Variants in HACD2 observed in about 807,000 individuals in gnomAD.
HACD2 encodes 3-hydroxyacyl-CoA dehydratase 2.
In HACD2, 15 loss-of-function variants were observed where a neutral mutation model predicts 31.0. That is an observed-to-expected ratio of 0.48 (90% CI 0.32 to 0.75). The LOEUF (loss-of-function observed/expected upper bound fraction) is 0.75, where lower values mean the gene tolerates loss of function less well. Ranked by LOEUF, HACD2 falls within the 30% of genes least tolerant of loss-of-function variation. The pLI is 0.03. For synonymous variants in HACD2, 115 were observed against 122.2 expected (o/e 0.94, Z 0.39); for missense variants, 283 against 313.0 (o/e 0.90, Z 0.72).
chr3:123,582,915 C>T (rs755499666), intron 1 of HACD2, among the ~76,000 whole-genome samples: 18 of 152,046 alleles, frequency 1.2e-4, no homozygotes, highest in African/African-American at 3.9e-4. Flanking sequence ...ATACAAACCA[C>T]GAAACAGGAA....
At chr3:123,518,995 TAAAAAA>T (rs67571643) in intron 4 of HACD2, among the ~76,000 whole-genome samples, 1 of 42,482 alleles carries the variant, frequency 2.4e-5, no homozygotes, top group Non-Finnish European at 4.9e-5. Context: ...AGACTCCAAC[TAAAAAA>T]AAAAAAAAAA....
intron 3 of HACD2, among the ~76,000 whole-genome samples, chr3:123,566,094 T>C (rs563268329): frequency 7.2e-5 from 11 of 152,232 alleles, no homozygotes; most frequent in Admixed American, 7.2e-4. Flanking sequence ...CAGTATTTCT[T>C]AGCCTTTTGG....
At chr3:123,530,623 G>A (rs556818680) in intron 3 of HACD2, among the ~76,000 whole-genome samples, 39 of 152,176 alleles carry the variant, frequency 2.6e-4, no homozygotes, top group African/African-American at 8.9e-4. Context: ...TGGCCAGGAT[G>A]GTCTCGATCT....
At chr3:123,541,503 T>C (rs779170539) in intron 3 of HACD2, among the ~76,000 whole-genome samples, 34 of 152,276 alleles carry the variant, frequency 2.2e-4, no homozygotes, top group Non-Finnish European at 4.0e-4. Flanking sequence ...TTAGCTGTAC[T>C]AGAAGGTTGT....
At chr3:123,500,307 G>A (rs2107679636) in intron 6 of HACD2, among the ~76,000 whole-genome samples, 1 of 152,172 alleles carries the variant, frequency 6.6e-6, no homozygotes, top group South Asian at 2.1e-4. Context: ...GCTGCATTTT[G>A]GCAACTGTAT....
At chr3:123,523,333 C>T (rs1272475695) in intron 4 of HACD2, among the ~76,000 whole-genome samples, 2 of 152,210 alleles carry the variant, frequency 1.3e-5, no homozygotes, top group African/African-American at 4.8e-5. Context: ...AAGCCGCTGG[C>T]TGCTTTGTAA....
At chr3:123,509,247 G>C (rs2056019456) in intron 4 of HACD2, among the ~76,000 whole-genome samples, 1 of 151,840 alleles carries the variant, frequency 6.6e-6, no homozygotes, top group African/African-American at 2.4e-5. Flanking sequence ...AGCTGGGCAT[G>C]GTGGCATGTG....
At position 123,511,368 on chromosome 3, in the gene HACD2, T is replaced by C. The variant is rs576948949; in HGVS notation, c.382-8687A>G. 4.6e-5 allele frequency among the ~76,000 whole-genome samples: 7 copies of C among 152,126 alleles called. No individual in the cohort carries two copies. The South Asian group carries it at 1.2e-3, about 27-fold the overall frequency. The stretch of plus-strand genomic sequence containing the variant: ...ACATGCATGTGAACACACACACACA[T>C]ACACACACACATTATGGGGTAACAA... On this transcript the variant is annotated intron_variant, in intron 4 of 6. Transcript: ENST00000383657.
At chr3:123,548,669 T>A (rs978307582) in intron 3 of HACD2, among the ~76,000 whole-genome samples, 3 of 152,086 alleles carry the variant, frequency 2.0e-5, no homozygotes, top group African/African-American at 7.2e-5. Context: ...TCACTTAGGC[T>A]AAAGTAAAAT....
intron 2 of HACD2, among the ~76,000 whole-genome samples, chr3:123,572,575 G>A (rs182944762): frequency 2.2e-4 from 33 of 152,164 alleles, no homozygotes; most frequent in Non-Finnish European, 2.2e-4. Context: ...ATTTCCACTG[G>A]CAATAAACTG....
At chr3:123,569,054 G>A (rs372036946) in intron 2 of HACD2, among the ~76,000 whole-genome samples, 2 of 152,156 alleles carry the variant, frequency 1.3e-5, no homozygotes, top group South Asian at 2.1e-4. Context: ...ATAAGGCTCT[G>A]TGCCTTATCA....
At chr3:123,510,932 G>GT (rs67094405) in intron 4 of HACD2, among the ~76,000 whole-genome samples, 18 of 142,598 alleles carry the variant, frequency 1.3e-4, no homozygotes, top group African/African-American at 4.4e-4. Flanking sequence ...CATTTGCTGT[G>GT]TTTTTTTTTT....
chr3:123,525,114 G>C (rs1193849806), intron 4 of HACD2, among the ~76,000 whole-genome samples: 1 of 152,198 alleles, frequency 6.6e-6, no homozygotes, highest in African/African-American at 2.4e-5. Flanking sequence ...AAAAGTTGGT[G>C]AGAATGTAAG....
At position 123,580,887 on chromosome 3, in the gene HACD2, G is replaced by A. The variant is rs189650371; in HGVS notation, c.273+1325C>T. Among the ~76,000 whole-genome samples the A allele has an allele frequency of 9.5e-3, 1,263 of 133,274 alleles. 13 individuals are homozygous for A. The highest frequency in any genetic ancestry group is 0.028 in the Middle Eastern group (6 of 212). 87.4% of individuals were successfully genotyped at this position (133,274 alleles called of 152,430 possible). Reference sequence around the variant, plus strand: ...TTTTTTTTTTTTGAGACAGAGTCTCGTTCTGTTGCCCAGGCTGGAGTACAG... The same window carrying A: ...TTTTTTTTTTTTGAGACAGAGTCTCATTCTGTTGCCCAGGCTGGAGTACAG... On this transcript the variant is annotated intron_variant, in intron 2 of 6. Transcript: ENST00000383657.
At chr3:123,561,888 T>G (rs781549296) in intron 3 of HACD2, among the ~76,000 whole-genome samples, 8 of 152,280 alleles carry the variant, frequency 5.3e-5, no homozygotes, top group Non-Finnish European at 1.2e-4. Context: ...TTCGGCTCAT[T>G]GCAACCTCCG....
chr3:123,516,388 C>A (rs376694270), intron 4 of HACD2, among the ~76,000 whole-genome samples: 3 of 152,032 alleles, frequency 2.0e-5, no homozygotes, highest in Non-Finnish European at 4.4e-5. Flanking sequence ...GCGCCCGCTG[C>A]GACGCCCGGC....
At chr3:123,522,373 A>G (rs1159542643) in intron 4 of HACD2, among the ~76,000 whole-genome samples, 1 of 151,244 alleles carries the variant, frequency 6.6e-6, no homozygotes, top group African/African-American at 2.4e-5. Context: ...AAGTGAATCT[A>G]CACTGAACCT....
intron 4 of HACD2, among the ~76,000 whole-genome samples, chr3:123,522,937 CT>C (rs1195648553): frequency 6.6e-6 from 1 of 152,146 alleles, no homozygotes; most frequent in Non-Finnish European, 1.5e-5. Context: ...TGATGTGCCC[CT>C]GACACAGCAT....
intron 3 of HACD2, chr3:123,543,781 C>A: frequency 3.9e-6 from 1 of 253,794 alleles, no homozygotes; most frequent in Non-Finnish European, 8.1e-6. Flanking sequence ...TATTGACCAG[C>A]ATTGCAGAAT....
Sources: allele counts gnomAD v4.1 joint callset (sites outside exome capture counted in the v4.1 genomes callset), GRCh38; gene constraint gnomAD v4.1.1; transcripts MANE v1.5; gene names NCBI Gene and HGNC (gene_info 2026-07-23, HGNC 2026-07-21).